Variants in SNX1 observed in about 807,000 individuals in gnomAD.
SNX1 encodes the protein sorting nexin-1.
SNX1 carries 36 observed loss-of-function variants against 71.8 expected under a neutral mutation model. That is an observed-to-expected ratio of 0.50 (90% CI 0.38 to 0.66). The LOEUF is 0.66. Ranked by LOEUF, SNX1 falls within the 30% of genes least tolerant of loss-of-function variation. The pLI is 0.00. For synonymous variants in SNX1, 254 were observed against 240.7 expected (o/e 1.06, Z -0.51); for missense variants, 612 against 646.7 (o/e 0.95, Z 0.58).
chr15:64,112,812 G>T, intron 2 of SNX1, 128 bp downstream of exon 2: 1 of 556,708 alleles, frequency 1.8e-6, no homozygotes, highest in Non-Finnish European at 3.1e-6. Context: ...CTTTTGTGGA[G>T]GATTCCAAAG....
At chr15:64,106,353 T>C (rs2081022026) in intron 1 of SNX1, among the ~76,000 whole-genome samples, 1 of 152,232 alleles carries the variant, frequency 6.6e-6, no homozygotes, top group African/African-American at 2.4e-5. Flanking sequence ...CTCTAGTTTG[T>C]AGAGTTAGGT....
At position 64,142,909 on chromosome 15, in the gene SNX1, C is replaced by A. The variant is rs1485096528; in HGVS notation, c.*5291C>A. ...CCTGTAGCTAGGAACCCTAAAAAGTCTTTGAAGCAACTCAAGTTTTAAAAA... is the reference window on the plus strand; with the variant it reads ...CCTGTAGCTAGGAACCCTAAAAAGTATTTGAAGCAACTCAAGTTTTAAAAA... On this transcript the variant is annotated 3_prime_UTR_variant, in exon 15 of 15. Coordinates refer to ENST00000559844, the MANE Select transcript of SNX1 (RefSeq NM_003099.5). 3.6e-6 allele frequency: 1 copy of A among 275,936 alleles called. No homozygotes were observed. The allele number at this position is 275,936 out of a possible 1,614,324, so 17.1% of individuals were successfully genotyped here. A position where few individuals can be genotyped will look rare whatever the true frequency, so the allele number is the denominator to read the frequency against.
chr15:64,125,410 A>C (rs1412229094), intron 5 of SNX1, among the ~76,000 whole-genome samples: 1 of 149,058 alleles, frequency 6.7e-6, no homozygotes, highest in Non-Finnish European at 1.5e-5. Flanking sequence ...GGTTGCAGTG[A>C]GCCAAGATTG....
rs1400665173 is a variant in SNX1, at chr15:64,137,673, C to G, written c.*55C>G. Reference sequence around the variant, plus strand: ...TGACGCTGCCTTTTTATACACTGTCCTCCTCCACCTTGATGGACCCCTAGT... The same window carrying G: ...TGACGCTGCCTTTTTATACACTGTCGTCCTCCACCTTGATGGACCCCTAGT... On this transcript the variant is annotated 3_prime_UTR_variant, in exon 15 of 15. Coordinates refer to ENST00000559844, the MANE Select transcript of SNX1 (RefSeq NM_003099.5). The G allele has an allele frequency of 8.7e-6, 14 of 1,612,278 alleles. No individual in the cohort carries two copies. The highest frequency in any genetic ancestry group is 1.2e-5 in the Non-Finnish European group (14 of 1,178,984).
rs954827605 is a variant in SNX1, at chr15:64,140,437, T to G, written c.*2819T>G. ...TTTGTAGCTTGCTCCCATCATGTTTTGAGTACTTTCTTACCTTCTGGCATA... is the reference window on the plus strand; with the variant it reads ...TTTGTAGCTTGCTCCCATCATGTTTGGAGTACTTTCTTACCTTCTGGCATA... On this transcript the variant is annotated 3_prime_UTR_variant, in exon 15 of 15. Coordinates refer to ENST00000559844, the MANE Select transcript of SNX1 (RefSeq NM_003099.5). 6.6e-6 allele frequency: 1 copy of G among 152,234 alleles called. No individual in the cohort carries two copies. The highest frequency in any genetic ancestry group is 1.5e-5 in the Non-Finnish European group (1 of 68,036). The allele number at this position is 152,234 out of a possible 1,614,324, so 9.4% of individuals were successfully genotyped here.
chr15:64,112,551 C>T (rs763895479), intron 1 of SNX1, 22 bp from the exon 2 acceptor site: 12 of 1,518,926 alleles, frequency 7.9e-6, no homozygotes, highest in African/African-American at 1.4e-5. Flanking sequence ...ATGTTTTATT[C>T]AGAGTATCTC....
In SNX1 at chr15:64,137,575, A is replaced by G; in HGVS notation, c.1526A>G (p.Lys509Arg). ...TLLYSQQQLA[K>R]YWEAFLPEAK... The stretch of plus-strand genomic sequence containing the variant: ...GTCCCCACTTCTTTGCAGCTGGCAA[A>G]GTACTGGGAAGCCTTCCTTCCTGAG... Residue 509 changes from lysine to arginine, a missense_variant, in exon 15 of 15, where the codon AAG becomes AGG. By Grantham distance (26) the Lys-to-Arg change is conservative. Coordinates refer to ENST00000559844, the MANE Select transcript of SNX1 (RefSeq NM_003099.5). 1.9e-6 allele frequency: 3 copies of G among 1,614,164 alleles called. No homozygotes were observed. The highest frequency in any genetic ancestry group is 2.5e-6 in the Non-Finnish European group (3 of 1,180,008).
rs912732373 is a variant in SNX1 at position 64,140,093 on chromosome 15, A to G, written c.*2475A>G. The G allele has an allele frequency of 2.0e-5, 3 of 152,290 alleles. No homozygotes were observed. Among genetic ancestry groups the G allele is most frequent in the East Asian group, 3.8e-4 (2 of 5,204 alleles). 9.4% of individuals were successfully genotyped at this position (152,290 alleles called of 1,614,324 possible). ...TACGATTTCCTCTTTGTAATTTACA[A>G]GTAATTTGTGGGGAGATACTTTGAG... On this transcript the variant is annotated 3_prime_UTR_variant, in exon 15 of 15. Coordinates refer to ENST00000559844, the MANE Select transcript of SNX1 (RefSeq NM_003099.5).
At chr15:64,130,088 C>T in intron 9 of SNX1, 59 bp downstream of exon 9, 2 of 1,466,908 alleles carry the variant, frequency 1.4e-6, no homozygotes, top group Non-Finnish European at 1.9e-6. Flanking sequence ...GTCAGAACCC[C>T]TAAGGAGTCC....
At chr15:64,100,625 A>G (rs979353764) in intron 1 of SNX1, among the ~76,000 whole-genome samples, 12 of 141,148 alleles carry the variant, frequency 8.5e-5, no homozygotes, top group East Asian at 2.1e-4. Flanking sequence ...AAAAAAAAAA[A>G]AGAGACTCAA....
At chr15:64,100,218 G>T (rs1251647211) in intron 1 of SNX1, among the ~76,000 whole-genome samples, 1 of 152,294 alleles carries the variant, frequency 6.6e-6, no homozygotes, top group Admixed American at 6.5e-5. Flanking sequence ...AAGAGGCTTT[G>T]TTAGTTCAGT....
rs1244552191 is a variant in SNX1, at chr15:64,140,573, AT to A, written c.*2958del. ...TGGAGAATGGTATTTATTTATTTTT[AT>A]TTGATTTGATTATTATTACTATTTT... On this transcript the variant is annotated 3_prime_UTR_variant, in exon 15 of 15. Transcript: ENST00000559844. The A allele has an allele frequency of 2.0e-5, 3 of 151,926 alleles. No individual in the cohort carries two copies. The highest frequency in any genetic ancestry group is 7.3e-5 in the African/African-American group (3 of 41,340). The allele number at this position is 151,926 out of a possible 1,614,324, so 9.4% of individuals were successfully genotyped here.
Position 64,141,358 on chromosome 15 carries a change from G to A in SNX1, c.*3740G>A, listed in dbSNP as rs2081412830. The A allele has an allele frequency of 6.6e-6, 1 of 152,236 alleles. No individual in the cohort carries two copies. Among genetic ancestry groups the A allele is most frequent in the Non-Finnish European group, 1.5e-5 (1 of 68,070 alleles). The allele number at this position is 152,236 out of a possible 1,614,324, so 9.4% of individuals were successfully genotyped here. ...GCTGGCGGGGCCAGTTGTCTTTAGG[G>A]CTTGTGCATTTTTGTAAAGAGCTTG... On this transcript the variant is annotated 3_prime_UTR_variant, in exon 15 of 15. Transcript: ENST00000559844. This position sits in a 1 kb window ranked among gnomAD's most constrained non-coding sequence, Gnocchi z 5.1.
chr15:64,121,392 C>T (rs568999681), intron 4 of SNX1, among the ~76,000 whole-genome samples: 3 of 152,286 alleles, frequency 2.0e-5, no homozygotes, highest in Non-Finnish European at 2.9e-5. Context: ...AGGCCTTCCT[C>T]GGCTTGTCGA....
At position 64,142,655 on chromosome 15, in the gene SNX1, C is replaced by T. The variant is rs764705160; in HGVS notation, c.*5037C>T. On this transcript the variant is annotated 3_prime_UTR_variant, in exon 15 of 15. Transcript: ENST00000559844. ...GAATGTCATATTTACCTATTTAAGC[C>T]AAGTTTTTTTAGATAAAAGGTATGG... The T allele has an allele frequency of 2.2e-6, 1 of 455,838 alleles. No homozygotes were observed. Among genetic ancestry groups the T allele is most frequent in the Non-Finnish European group, 4.4e-6 (1 of 226,796 alleles). The allele number at this position is 455,838 out of a possible 1,614,324, so 28.2% of individuals were successfully genotyped here.
At chr15:64,126,739 C>T (rs113487942) in intron 6 of SNX1, among the ~76,000 whole-genome samples, 7,460 of 152,130 alleles carry the variant, frequency 0.049, 210 homozygotes, top group South Asian at 0.085. Flanking sequence ...GCCACCATGC[C>T]CAGCTAATTT....
chr15:64,113,634 A>G (rs1342735714), intron 2 of SNX1, among the ~76,000 whole-genome samples: 1 of 152,306 alleles, frequency 6.6e-6, no homozygotes, highest in South Asian at 2.1e-4. Context: ...AGCCTGGCCA[A>G]CGTAGTGAAA....
intron 1 of SNX1, among the ~76,000 whole-genome samples, chr15:64,103,252 A>AT (rs1488016801): frequency 6.6e-6 from 1 of 152,114 alleles, no homozygotes; most frequent in Non-Finnish European, 1.5e-5. Flanking sequence ...TGGTAGTTAC[A>AT]TTTTTAGTTC....
At chr15:64,127,282 A>T in intron 7 of SNX1, 30 bp downstream of exon 7, 1 of 1,553,352 alleles carries the variant, frequency 6.4e-7, no homozygotes, top group African/African-American at 1.4e-5. Context: ...TTTCCTGAAT[A>T]ATGTGAGGAC....
Sources: allele counts gnomAD v4.1 joint callset (sites outside exome capture counted in the v4.1 genomes callset), GRCh38; gene constraint gnomAD v4.1.1; non-coding constraint Gnocchi (gnomAD v3.1); transcripts MANE v1.5; gene names NCBI Gene and HGNC (gene_info 2026-07-23, HGNC 2026-07-21).